Variants in MYCBP2 observed in about 807,000 individuals in gnomAD.
MYCBP2 encodes the protein MYC binding protein 2.
A neutral mutation model predicts 525.3 loss-of-function variants in MYCBP2; 120 were observed. That is an observed-to-expected ratio of 0.23 (90% CI 0.20 to 0.27). The LOEUF (loss-of-function observed/expected upper bound fraction) is 0.27. Ranked by LOEUF, MYCBP2 falls within the 10% of genes least tolerant of loss-of-function variation. The pLI, the probability that MYCBP2 is intolerant of heterozygous loss-of-function variation, is 1.00. For synonymous variants in MYCBP2, 1,894 were observed against 1,955.8 expected, an observed-to-expected ratio of 0.97 and a Z score of 0.83; for missense variants, 4,149 against 5,657.1, an observed-to-expected ratio of 0.73 and a Z score of 8.55.
At chr13:77,160,111 G>T (rs1431541184) in intron 44 of MYCBP2, among the ~76,000 whole-genome samples, 3 of 149,904 alleles carry the variant, frequency 2.0e-5, no homozygotes, top group African/African-American at 7.4e-5. Context: ...TTGTTGCCTG[G>T]GCTGGAGTAC....
At position 77,126,165 on chromosome 13, in the gene MYCBP2, C is replaced by G. The variant is rs1022142610; in HGVS notation, c.7884+153G>C. 7.2e-4 allele frequency among the ~76,000 whole-genome samples: 109 copies of G among 152,164 alleles called. 1 individual carries two copies. Among genetic ancestry groups the G allele is most frequent in the Middle Eastern group, 6.8e-3 (2 of 294 alleles). ...TTATGCAAATCATTAGACAGAAGCA[C>G]AGAAAAATTATGTATTTGCAATACA... On this transcript the variant is annotated intron_variant, in intron 53 of 82. Transcript: ENST00000544440.
At position 77,140,943 on chromosome 13, in the gene MYCBP2, T is replaced by C. The variant is rs1594857166; in HGVS notation, c.7304A>G (p.Asp2435Gly). 2 of 1,598,434 alleles carry C rather than the reference T, an allele frequency of 1.3e-6. No individual in the cohort carries two copies. Among genetic ancestry groups the C allele is most frequent in the East Asian group, 2.2e-5 (1 of 44,654 alleles). ...LHVTIDGIEI[D>G]AGLEVKVKDP... ...TTTTACTTTTACTTCCAGACCAGCA[T>C]CTGTCAGAAAAATCAGAGAACTGTA... Residue 2435 changes from aspartate (D) to glycine (G), a missense_variant and splice_region_variant, in exon 50 of 83, where the codon GAT (aspartate) becomes GGT (glycine). By Grantham distance (94) the Asp-to-Gly change is moderately conservative. Around this residue, in one of 21 missense-constraint regions of MYCBP2, gnomAD observed 692 missense variants for 852.7 expected, o/e 0.81. Coordinates refer to ENST00000544440, the MANE Select transcript of MYCBP2 (RefSeq NM_015057.5).
chr13:77,327,035 T>TGCC lies in MYCBP2; in HGVS notation c.-263_-261dup. ...TGTGAGGAGGAGGCGGTGCCGCCAC[T>TGCC]GCCGCCGCCACCACCGCTACCACCG... On this transcript the variant is annotated 5_prime_UTR_variant, in exon 1 of 83. Transcript: ENST00000544440. 2 of 431,728 alleles carry TGCC rather than the reference T, an allele frequency of 4.6e-6. No homozygotes were observed. Among genetic ancestry groups the TGCC allele is most frequent in the South Asian group, 7.4e-5 (1 of 13,484 alleles). 26.7% of individuals were successfully genotyped at this position (431,728 alleles called of 1,614,324 possible). A position where few individuals can be genotyped will look rare whatever the true frequency, so the allele number is the denominator to read the frequency against.
At chr13:77,204,251 A>G (rs2063013815) in intron 26 of MYCBP2, among the ~76,000 whole-genome samples, 1 of 152,128 alleles carries the variant, frequency 6.6e-6, no homozygotes, top group Non-Finnish European at 1.5e-5. Flanking sequence ...ATGAACAGAC[A>G]CTTCTCAAAA....
chr13:77,295,640 A>G (rs1342226522), intron 2 of MYCBP2, among the ~76,000 whole-genome samples: 1 of 152,210 alleles, frequency 6.6e-6, no homozygotes, highest in Non-Finnish European at 1.5e-5. Flanking sequence ...TGTTTCTTTA[A>G]CTCAAAGTGA....
At chr13:77,079,787 T>G (rs944372870) in intron 65 of MYCBP2, among the ~76,000 whole-genome samples, 1 of 152,210 alleles carries the variant, frequency 6.6e-6, no homozygotes, top group Non-Finnish European at 1.5e-5. Flanking sequence ...AATATGCATT[T>G]CCTTTAAGTG....
chr13:77,211,239 A>C lies in MYCBP2; in HGVS notation c.3344T>G (p.Phe1115Cys). The C allele has an allele frequency of 6.4e-7, 1 of 1,553,972 alleles. No individual in the cohort carries two copies. Among genetic ancestry groups the C allele is most frequent in the Non-Finnish European group, 8.7e-7 (1 of 1,147,072 alleles). The change falls in exon 23 of 83, where the codon TTT (phenylalanine) becomes TGT (cysteine). Residue 1115 changes from phenylalanine to cysteine, a missense_variant. Physicochemically the swap from Phe to Cys is radical, Grantham distance 205 (BLOSUM62 -2). Coordinates refer to ENST00000544440, the MANE Select transcript of MYCBP2 (RefSeq NM_015057.5). ...INKVDGSCKT[F>C]NDSEQEDLQG... is the part of the protein sequence containing the mutation. ...CAGATCCTCTTGTTCTGAGTCATTA[A>C]AAGTTTTACAACTCCCATCCACTTT... is the stretch of plus-strand genomic sequence containing the variant.
At chr13:77,045,715 C>G (rs2035424427) in intron 82 of MYCBP2, among the ~76,000 whole-genome samples, 1 of 152,076 alleles carries the variant, frequency 6.6e-6, no homozygotes, top group Non-Finnish European at 1.5e-5. Context: ...GATGGGGTCC[C>G]TTACTCACTA....
chr13:77,244,236 C>A (rs1202818640), intron 15 of MYCBP2, among the ~76,000 whole-genome samples: 1 of 152,130 alleles, frequency 6.6e-6, no homozygotes, highest in Non-Finnish European at 1.5e-5. Context: ...AAAAACAATC[C>A]TTTAAAAGTC....
At chr13:77,187,619 G>C (rs1830418460) in intron 30 of MYCBP2, among the ~76,000 whole-genome samples, 1 of 152,116 alleles carries the variant, frequency 6.6e-6, no homozygotes, top group African/African-American at 2.4e-5. Context: ...GTACTGCCAG[G>C]GAAGGATGTC....
intron 46 of MYCBP2, among the ~76,000 whole-genome samples, chr13:77,153,774 A>G (rs1344253491): frequency 1.3e-5 from 2 of 152,114 alleles, no homozygotes; most frequent in Non-Finnish European, 2.9e-5. Context: ...ATTCACAGGA[A>G]GTTTCAAAAA....
At chr13:77,296,552 C>T in intron 2 of MYCBP2, 47 bp downstream of exon 2, 1 of 1,522,484 alleles carries the variant, frequency 6.6e-7, no homozygotes, top group Admixed American at 2.5e-5. Context: ...TTATTCAAAT[C>T]ACCATATGAA....
At chr13:77,067,073 C>T (rs2040332102) in intron 71 of MYCBP2, among the ~76,000 whole-genome samples, 1 of 151,970 alleles carries the variant, frequency 6.6e-6, no homozygotes, top group Non-Finnish European at 1.5e-5. Flanking sequence ...AAGTAATTTT[C>T]ATTTTTATAT....
intron 78 of MYCBP2, among the ~76,000 whole-genome samples, chr13:77,057,672 C>T (rs1005816742): frequency 1.3e-5 from 2 of 152,086 alleles, no homozygotes; most frequent in Admixed American, 6.5e-5. Flanking sequence ...TTTATACATT[C>T]TGTTGATTAC....
intron 1 of MYCBP2, among the ~76,000 whole-genome samples, chr13:77,325,454 G>A (rs1436761344): frequency 2.0e-5 from 3 of 152,084 alleles, no homozygotes; most frequent in Non-Finnish European, 1.5e-5. Context: ...TAAGGGCATG[G>A]AAAAGAAAAC....
intron 55 of MYCBP2, among the ~76,000 whole-genome samples, chr13:77,111,790 C>A (rs1315414374): frequency 6.6e-6 from 1 of 152,000 alleles, no homozygotes; most frequent in Non-Finnish European, 1.5e-5. Flanking sequence ...GTTATCTGTC[C>A]CAAATGTAAA....
At chr13:77,130,997 A>G (rs942578629) in intron 52 of MYCBP2, among the ~76,000 whole-genome samples, 7 of 152,212 alleles carry the variant, frequency 4.6e-5, no homozygotes, top group Admixed American at 4.6e-4. Flanking sequence ...TTTTAAAATG[A>G]TGTTAACTGC....
chr13:77,310,140 C>G (rs946437993), intron 1 of MYCBP2, among the ~76,000 whole-genome samples: 6 of 152,018 alleles, frequency 3.9e-5, no homozygotes, highest in Admixed American at 3.9e-4. Context: ...AGAAAACAAA[C>G]AAAAAATACC....
intron 54 of MYCBP2, among the ~76,000 whole-genome samples, chr13:77,122,234 T>C (rs1333755678): frequency 6.6e-6 from 1 of 152,064 alleles, no homozygotes; most frequent in Non-Finnish European, 1.5e-5. Flanking sequence ...CTTAGTTAAA[T>C]ATCCATATTA....
Sources: allele counts gnomAD v4.1 joint callset (sites outside exome capture counted in the v4.1 genomes callset), GRCh38; gene constraint gnomAD v4.1.1; regional missense constraint gnomAD v4.1.1; transcripts MANE v1.5; gene names NCBI Gene and HGNC (gene_info 2026-07-23, HGNC 2026-07-21).